The following SLC2A13 variants were observed in gnomAD, a reference collection of about 807,000 sequenced individuals.
SLC2A13 encodes proton myo-inositol cotransporter.
A neutral mutation model predicts 64.4 loss-of-function variants in SLC2A13; 32 were observed. The observed-to-expected ratio is 0.50, with a 90% CI of 0.37 to 0.67. The LOEUF is 0.67. Ranked by LOEUF, SLC2A13 falls within the 30% of genes least tolerant of loss-of-function variation. SLC2A13 has a pLI of 0.00. For synonymous variants in SLC2A13, 338 were observed against 327.1 expected (o/e 1.03, Z -0.36); for missense variants, 743 against 829.2 (o/e 0.90, Z 1.28).
At position 39,757,648 on chromosome 12, in the gene SLC2A13, AG is replaced by A. The variant is rs1940003969; in HGVS notation, c.*2377del. 1 of 152,018 alleles carries A rather than the reference AG, an allele frequency of 6.6e-6. No homozygotes were observed. Among genetic ancestry groups the A allele is most frequent in the Admixed American group, 6.6e-5 (1 of 15,178 alleles). The allele number at this position is 152,018 out of a possible 1,614,324, so 9.4% of individuals were successfully genotyped here. A position where few individuals can be genotyped will look rare whatever the true frequency, so the allele number is the denominator to read the frequency against. On this transcript the variant is annotated 3_prime_UTR_variant, in exon 10 of 10. Coordinates refer to ENST00000280871, the MANE Select transcript of SLC2A13 (RefSeq NM_052885.4). ...ATATAAATAACAAATAGTCCTTTAA[AG>A]TAGGGGCTCAGGGGAGTAGGGGAGG... is the stretch of plus-strand genomic sequence containing the variant.
chr12:39,964,074 CGAT>C (rs1946462825), intron 3 of SLC2A13, among the ~76,000 whole-genome samples: 1 of 152,042 alleles, frequency 6.6e-6, no homozygotes, highest in African/African-American at 2.4e-5. Context: ...AAGAAAGAGA[CGAT>C]GTTTTCTGTC....
intron 7 of SLC2A13, among the ~76,000 whole-genome samples, chr12:39,779,379 C>A (rs1363945947): frequency 6.6e-6 from 1 of 152,192 alleles, no homozygotes; most frequent in Non-Finnish European, 1.5e-5. Flanking sequence ...AGCCTTCACT[C>A]TATTGCCTGA....
At chr12:40,023,366 G>A (rs1012865492) in intron 3 of SLC2A13, among the ~76,000 whole-genome samples, 4 of 152,204 alleles carry the variant, frequency 2.6e-5, no homozygotes, top group African/African-American at 4.8e-5. Flanking sequence ...CTCCTGCAGC[G>A]GGGCCAGGGG....
At chr12:39,794,980 T>G (rs1941526964) in intron 7 of SLC2A13, among the ~76,000 whole-genome samples, 1 of 152,214 alleles carries the variant, frequency 6.6e-6, no homozygotes, top group Non-Finnish European at 1.5e-5. Flanking sequence ...TCTTTGCTGT[T>G]CAGCAGTCTC....
chr12:39,983,985 A>T (rs1452990935), intron 3 of SLC2A13, among the ~76,000 whole-genome samples: 3 of 151,200 alleles, frequency 2.0e-5, no homozygotes, highest in African/African-American at 7.3e-5. Flanking sequence ...TACACCATGG[A>T]ATACTATGCA....
At chr12:40,017,773 A>G (rs192371412) in intron 3 of SLC2A13, among the ~76,000 whole-genome samples, 1 of 152,228 alleles carries the variant, frequency 6.6e-6, no homozygotes, top group Non-Finnish European at 1.5e-5. Flanking sequence ...TGAAGAAGCA[A>G]TGTGCTCTGA....
In SLC2A13 at chr12:39,878,972, G is replaced by C. The variant is rs117259865; in HGVS notation, c.1035-7011C>G. ...AGCCTACTGCCCTGTGCAGCCTTGA[G>C]ACACTGCTCCCCACATACTGGCCTC... On this transcript the variant is annotated intron_variant, in intron 4 of 9. Coordinates refer to ENST00000280871, the MANE Select transcript of SLC2A13 (RefSeq NM_052885.4). Among the ~76,000 whole-genome samples, 934 of 152,352 alleles carry C rather than the reference G, an allele frequency of 6.1e-3. 2 individuals carry two copies. The highest frequency in any genetic ancestry group is 9.1e-3 in the Non-Finnish European group (616 of 68,030).
At chr12:39,988,509 AGAAT>A (rs1309211549) in intron 3 of SLC2A13, among the ~76,000 whole-genome samples, 1 of 147,584 alleles carries the variant, frequency 6.8e-6, no homozygotes, top group Non-Finnish European at 1.5e-5. Context: ...AAAGAAAGAA[AGAAT>A]GAACGAAAGA....
At chr12:39,799,367 TC>T (rs1941700897) in intron 7 of SLC2A13, among the ~76,000 whole-genome samples, 1 of 150,760 alleles carries the variant, frequency 6.6e-6, no homozygotes, top group African/African-American at 2.4e-5. Flanking sequence ...ACCTCGACCT[TC>T]CAAAGTGCTG....
chr12:39,901,395 T>C (rs924626626), intron 4 of SLC2A13, among the ~76,000 whole-genome samples: 1 of 148,068 alleles, frequency 6.8e-6, no homozygotes, highest in African/African-American at 2.5e-5. Flanking sequence ...ACCATCAGAG[T>C]GAACAGACAA....
rs767788035 is a variant in SLC2A13, at chr12:40,105,574, C to A, written c.235G>T (p.Ala79Ser). Residue 79 changes from alanine (A) to serine (S), a missense_variant, in exon 1 of 10, where the codon GCC becomes TCC. Physicochemically the swap from Ala to Ser is moderately conservative, Grantham distance 99 (BLOSUM62 1). Transcript: ENST00000280871. The surrounding 1 kb of genome is among the most constrained non-coding windows in gnomAD (Gnocchi z 4.2). ...AAGACGGCCACCACGTACACGAAGG[C>A]GGGGGTCTCGTCCTGCTGGAACTGC... ...RRQFQQDETP[A>S]FVYVVAVFSA... is the part of the protein sequence containing the mutation. 12 of 1,566,794 alleles carry A rather than the reference C, an allele frequency of 7.7e-6. No individual in the cohort carries two copies. The African/African-American group carries it at 1.1e-4, about 15-fold the overall frequency.
intron 3 of SLC2A13, among the ~76,000 whole-genome samples, chr12:40,002,062 C>A (rs569245422): frequency 1.3e-4 from 20 of 152,264 alleles, no homozygotes; most frequent in Middle Eastern, 3.4e-3. Flanking sequence ...CAACTAACAA[C>A]TGAAATTAAG....
chr12:39,904,472 A>T (rs1379618565), intron 4 of SLC2A13, among the ~76,000 whole-genome samples: 1 of 152,146 alleles, frequency 6.6e-6, no homozygotes, highest in African/African-American at 2.4e-5. Flanking sequence ...TGCCATGTTA[A>T]CTGTTTTCTG....
At chr12:39,795,319 C>T (rs1941539758) in intron 7 of SLC2A13, among the ~76,000 whole-genome samples, 1 of 152,032 alleles carries the variant, frequency 6.6e-6, no homozygotes, top group African/African-American at 2.4e-5. Flanking sequence ...GATAAATCTA[C>T]ACAGTTTTAA....
chr12:39,951,523 A>C (rs1946230409), intron 3 of SLC2A13, among the ~76,000 whole-genome samples, 158 bp from the exon 4 acceptor site: 1 of 152,198 alleles, frequency 6.6e-6, no homozygotes, highest in South Asian at 2.1e-4. Flanking sequence ...TCTGGGTACA[A>C]TATTTTATTT....
chr12:39,980,190 G>C (rs1375220305), intron 3 of SLC2A13, among the ~76,000 whole-genome samples: 2 of 151,548 alleles, frequency 1.3e-5, no homozygotes, highest in Non-Finnish European at 3.0e-5. Context: ...ACATGGAAAG[G>C]AACAACCAGT....
chr12:39,836,519 T>G lies in SLC2A13; in HGVS notation c.1320-6291A>C, dbSNP rs535083615. 6.1e-3 allele frequency among the ~76,000 whole-genome samples: 920 copies of G among 151,632 alleles called. 8 individuals carry two copies. The highest frequency in any genetic ancestry group is 0.021 in the African/African-American group (871 of 41,310). ...TTAGGCAGGAGAAGGAAATAAAGGGTATTCAATTAGGAAAAGAGGAAGTCA... is the reference window on the plus strand; with the variant it reads ...TTAGGCAGGAGAAGGAAATAAAGGGGATTCAATTAGGAAAAGAGGAAGTCA... On this transcript the variant is annotated intron_variant, in intron 6 of 9. Coordinates refer to ENST00000280871, the MANE Select transcript of SLC2A13 (RefSeq NM_052885.4).
chr12:39,976,476 C>T (rs534727531), intron 3 of SLC2A13, among the ~76,000 whole-genome samples: 37 of 152,306 alleles, frequency 2.4e-4, no homozygotes, highest in Admixed American at 1.3e-3. Context: ...ATTAATTCCA[C>T]GATTCATTTG....
chr12:40,083,533 A>G (rs1165085602), intron 1 of SLC2A13, among the ~76,000 whole-genome samples: 1 of 152,184 alleles, frequency 6.6e-6, no homozygotes, highest in Non-Finnish European at 1.5e-5. Context: ...ATAGTGCTAT[A>G]CTACTGCCAT....
Sources: gnomAD v4.1 joint callset for allele counts (sites outside exome capture counted in the v4.1 genomes callset) on GRCh38, gnomAD v4.1.1 for gene constraint, Gnocchi (gnomAD v3.1) non-coding constraint, MANE v1.5 for transcripts, NCBI Gene and HGNC (gene_info 2026-07-23, HGNC 2026-07-21) for gene names.